The following ANKLE2 variants were observed in gnomAD, a reference collection of about 807,000 sequenced individuals.
The protein encoded by ANKLE2 is ankyrin repeat and LEM domain containing 2.
A neutral mutation model predicts 84.2 loss-of-function variants in ANKLE2; 55 were observed. The ratio of observed to expected loss-of-function variants is 0.65; its 90% CI spans 0.53 to 0.82. The LOEUF (loss-of-function observed/expected upper bound fraction) is 0.82. ANKLE2 is among the 40% of genes least tolerant of loss of function. ANKLE2 has a pLI of 0.00. For synonymous variants in ANKLE2, 551 were observed against 486.1 expected (o/e 1.13, Z -1.76); for missense variants, 1,238 against 1,201.9 (o/e 1.03, Z -0.44).
chr12:132,739,652 C>A (rs1377772163), intron 7 of ANKLE2, among the ~76,000 whole-genome samples: 5 of 152,222 alleles, frequency 3.3e-5, no homozygotes, highest in African/African-American at 2.4e-5. Context: ...GCTTTCTGAT[C>A]CTATTTGTCT....
chr12:132,760,252 G>C (rs1013770435), intron 1 of ANKLE2: 4 of 151,870 alleles, frequency 2.6e-5, no homozygotes, highest in Admixed American at 2.0e-4. Context: ...TGACAATTTA[G>C]AGTAAAAACA....
rs763985463 is a variant in ANKLE2, at chr12:132,750,638, T to C, written c.847+5A>G. On this transcript the variant is annotated splice_donor_5th_base_variant and intron_variant, in intron 3 of 12. Transcript: ENST00000357997. ...CATCAAGATGTGAACGGCTGCATGATTTACCTTTCAACCTGTCATTGCTAA... is the reference window on the plus strand; with the variant it reads ...CATCAAGATGTGAACGGCTGCATGACTTACCTTTCAACCTGTCATTGCTAA... 6.2e-7 allele frequency: 1 copy of C among 1,613,990 alleles called. No individual in the cohort carries two copies. Among genetic ancestry groups the C allele is most frequent in the Admixed American group, 1.7e-5 (1 of 59,998 alleles).
At chr12:132,740,459 T>C (rs770895293) in intron 7 of ANKLE2, among the ~76,000 whole-genome samples, 1 of 152,172 alleles carries the variant, frequency 6.6e-6, no homozygotes, top group Non-Finnish European at 1.5e-5. Flanking sequence ...GACAGCTTTA[T>C]GCTGATAAAA....
chr12:132,761,067 C>T (rs147298531), intron 1 of ANKLE2: 1 of 151,974 alleles, frequency 6.6e-6, no homozygotes, highest in African/African-American at 2.4e-5. Flanking sequence ...TTAAAACGAC[C>T]AAAACCCACC....
rs920381130 is a variant in ANKLE2 at position 132,755,092 on chromosome 12, G to A, written c.223C>T (p.Leu75=). The change falls in exon 2 of 13, where the codon CTG becomes TTG. Residue 75 remains leucine (L), a synonymous_variant. Transcript: ENST00000357997. Reference sequence around the variant, plus strand: ...TCTTCTCTAAGGTCATCTGGATTCAGAAGTTTCAATCGAGCCAACAGAGCA... The same window carrying A: ...TCTTCTCTAAGGTCATCTGGATTCAAAAGTTTCAATCGAGCCAACAGAGCA... ...MDALLARLKL[L]NPDDLREEIV... 1.4e-5 allele frequency: 23 copies of A among 1,611,912 alleles called. No individual in the cohort carries two copies. The highest frequency in any genetic ancestry group is 2.7e-5 in the African/African-American group (2 of 74,864).
intron 5 of ANKLE2, among the ~76,000 whole-genome samples, chr12:132,744,900 T>TC (rs980759696): frequency 2.0e-5 from 3 of 152,226 alleles, no homozygotes; most frequent in African/African-American, 7.2e-5. Flanking sequence ...CAGGATGGTC[T>TC]CGATCTCCTG....
intron 7 of ANKLE2, among the ~76,000 whole-genome samples, chr12:132,740,184 C>T (rs889947627): frequency 4.6e-5 from 7 of 152,182 alleles, no homozygotes; most frequent in Admixed American, 4.6e-4. Flanking sequence ...GCCTCTGCAG[C>T]GACGCCTCAA....
Position 132,728,108 on chromosome 12 carries a change from C to G in ANKLE2, c.2539G>C (p.Val847Leu), listed in dbSNP as rs185739493. ...ACGGCCGGGAACTGATGGGGGTCGA[C>G]GTCTGCACATTCAAGAGCGGCCAAA... ...DVLAALECAD[V>L]DPHQFPAVHR... Residue 847 changes from valine (V) to leucine (L), a missense_variant, in exon 12 of 13, where the codon GTC (valine) becomes CTC (leucine). This residue lies in a region of ANKLE2 where 802 missense variants were observed against 774.5 expected (regional missense o/e 1.04). Coordinates refer to ENST00000357997, the MANE Select transcript of ANKLE2 (RefSeq NM_015114.3). 29 of 1,612,868 alleles carry G rather than the reference C, an allele frequency of 1.8e-5. No individual in the cohort carries two copies. Among genetic ancestry groups the G allele is most frequent in the Non-Finnish European group, 2.5e-5 (29 of 1,179,948 alleles).
intron 1 of ANKLE2, chr12:132,755,402 G>A (rs1181610312): frequency 2.0e-5 from 6 of 295,652 alleles, no homozygotes; most frequent in East Asian, 7.8e-5. Context: ...AAAATTAGCC[G>A]GGTGTGGTGG....
At position 132,755,360 on chromosome 12, in the gene ANKLE2, A is replaced by G; in HGVS notation, c.182-227T>C. 7.0e-6 allele frequency: 3 copies of G among 428,654 alleles called. No individual in the cohort carries two copies. In the South Asian group the frequency reaches 9.3e-5, roughly 13 times the overall value. 26.6% of individuals were successfully genotyped at this position (428,654 alleles called of 1,614,324 possible). On this transcript the variant is annotated intron_variant, in intron 1 of 12. Coordinates refer to ENST00000357997, the MANE Select transcript of ANKLE2 (RefSeq NM_015114.3). The stretch of plus-strand genomic sequence containing the variant: ...GGAGTTCGAGACCAGCCCGGCCAAC[A>G]TGGTGAAACCACGTCTCTACTGAAA...
chr12:132,733,776 T>C (rs1003399504), intron 10 of ANKLE2, among the ~76,000 whole-genome samples: 1 of 152,168 alleles, frequency 6.6e-6, no homozygotes, highest in Admixed American at 6.5e-5. Context: ...TACACCAGTA[T>C]TCTGATGTGC....
At position 132,729,719 on chromosome 12, in the gene ANKLE2, C is replaced by T. The variant is rs373384820; in HGVS notation, c.2443G>A (p.Glu815Lys). Residue 815 changes from glutamate to lysine, a missense_variant, in exon 11 of 13, where the codon GAG becomes AAG. Transcript: ENST00000357997. ...PSSPRHEDQLEVTREPARRLF... is the reference protein window; with the variant it reads ...PSSPRHEDQLKVTREPARRLF... ...CGCCTGGCCGGTTCCCTGGTGACCT[C>T]GAGCTGATCCTCGTGCCTGGGGCTG... The T allele has an allele frequency of 1.9e-5, 31 of 1,609,512 alleles. No homozygotes were observed. Among genetic ancestry groups the T allele is most frequent in the African/African-American group, 2.7e-5 (2 of 73,926 alleles).
At chr12:132,751,061 A>G in intron 2 of ANKLE2, 1 of 550,218 alleles carries the variant, frequency 1.8e-6, no homozygotes, top group East Asian at 2.9e-5. Flanking sequence ...GTAACATGAT[A>G]TATATTATGT....
intron 5 of ANKLE2, among the ~76,000 whole-genome samples, chr12:132,745,968 A>G (rs892191131): frequency 2.0e-5 from 3 of 152,210 alleles, no homozygotes; most frequent in South Asian, 2.1e-4. Context: ...GGTGAAACAG[A>G]TAACTGTGCT....
intron 5 of ANKLE2, 33 bp downstream of exon 5, chr12:132,747,799 T>G (rs780233899): frequency 1.3e-6 from 2 of 1,570,746 alleles, no homozygotes; most frequent in African/African-American, 1.4e-5. Flanking sequence ...ACCAATTAAA[T>G]AAAGAAAGCG....
At chr12:132,737,964 G>A (rs2044046101) in intron 7 of ANKLE2, 1 of 152,286 alleles carries the variant, frequency 6.6e-6, no homozygotes, top group African/African-American at 2.4e-5. Flanking sequence ...CTGTTGCCCA[G>A]GCTGGTCTCG....
In ANKLE2 at chr12:132,741,658, G is replaced by C. The variant is rs567334685; in HGVS notation, c.1354-173C>G. ...TGTGAAGAGTGTGGTCTTTCTAAAA[G>C]TCTAAGGAGACAGCTAGGAGAACAC... On this transcript the variant is annotated intron_variant, in intron 6 of 12. Coordinates refer to ENST00000357997, the MANE Select transcript of ANKLE2 (RefSeq NM_015114.3). 7.2e-6 allele frequency: 5 copies of C among 694,464 alleles called. No individual in the cohort carries two copies. In the South Asian group the frequency reaches 8.6e-5, roughly 12 times the overall value. 43.0% of individuals were successfully genotyped at this position (694,464 alleles called of 1,614,324 possible).
intron 8 of ANKLE2, among the ~76,000 whole-genome samples, chr12:132,736,072 C>G (rs541674468): frequency 6.6e-6 from 1 of 152,340 alleles, no homozygotes; most frequent in East Asian, 1.9e-4. Flanking sequence ...CTGCCTCAGC[C>G]TCCCGAGTAG....
In ANKLE2 at chr12:132,730,151, G is replaced by A. The variant is rs376393173; in HGVS notation, c.2011C>T (p.His671Tyr). Reference sequence around the variant, plus strand: ...AAGGGGAAGGCGCTGCACCTCGTATGTCCAAAAGCACCGACTGTGGGCGGG... The same window carrying A: ...AAGGGGAAGGCGCTGCACCTCGTATATCCAAAAGCACCGACTGTGGGCGGG... ...NSPPTVGAFG[H>Y]TRCSAFPLEQ... The change falls in exon 11 of 13, where the codon CAT (histidine) becomes TAT (tyrosine). Residue 671 changes from histidine to tyrosine, a missense_variant. By Grantham distance (83) the His-to-Tyr change is moderately conservative (BLOSUM62 2). Transcript: ENST00000357997. 8.3e-5 allele frequency: 134 copies of A among 1,611,900 alleles called. No individual in the cohort carries two copies. The African/African-American group carries it at 1.6e-3, about 19-fold the overall frequency.
Sources: gnomAD v4.1 joint callset for allele counts (sites outside exome capture counted in the v4.1 genomes callset) on GRCh38, gnomAD v4.1.1 for gene constraint, gnomAD v4.1.1 regional missense constraint, MANE v1.5 for transcripts, NCBI Gene and HGNC (gene_info 2026-07-23, HGNC 2026-07-21) for gene names.